Variants in TTC23L observed in about 807,000 individuals in gnomAD.
The protein encoded by TTC23L is tetratricopeptide repeat protein 23-like.
In TTC23L, 42 loss-of-function variants were observed where a neutral mutation model predicts 48.1. That is an observed-to-expected ratio of 0.87 (90% CI 0.68 to 1.13). TTC23L has a LOEUF of 1.13. Ranked by LOEUF, TTC23L falls within the 50% of genes most tolerant of loss-of-function variation. The probability of loss-of-function intolerance (pLI) is 0.00; values close to 1 mark genes in which losing one functional copy is unlikely to be tolerated. For missense variants in TTC23L, 391 were observed against 421.0 expected, an observed-to-expected ratio of 0.93 and a Z score of 0.62; for synonymous variants, 159 against 157.2, an observed-to-expected ratio of 1.01 and a Z score of -0.09.
chr5:34,884,855 CT>C (rs1762453132), intron 9 of TTC23L, among the ~76,000 whole-genome samples: 1 of 152,154 alleles, frequency 6.6e-6, no homozygotes, highest in African/African-American at 2.4e-5. Flanking sequence ...TGGCAGTGTT[CT>C]CTGGAAAGCA....
chr5:34,892,532 C>T (rs769672157), intron 9 of TTC23L, among the ~76,000 whole-genome samples: 1 of 152,010 alleles, frequency 6.6e-6, no homozygotes, highest in Non-Finnish European at 1.5e-5. Flanking sequence ...TAGTCCCTTA[C>T]GTGAAAACAG....
chr5:34,892,291 T>C (rs1762921195), intron 9 of TTC23L, among the ~76,000 whole-genome samples: 2 of 152,234 alleles, frequency 1.3e-5, no homozygotes, highest in Non-Finnish European at 2.9e-5. Context: ...TTTTGAAGCC[T>C]CTGCAAAAAA....
chr5:34,850,398 A>AGGGCCCCT (rs1759578135), intron 4 of TTC23L, 90 bp downstream of exon 4: 1 of 1,533,862 alleles, frequency 6.5e-7, no homozygotes, highest in African/African-American at 1.4e-5. Flanking sequence ...CATGACTAGG[A>AGGGCCCCT]GGGCCCCTTC....
At chr5:34,906,813 A>G in the TTC23L span, 1 of 152,190 alleles carries the variant, frequency 6.6e-6, no homozygotes, top group Non-Finnish European at 1.5e-5. Flanking sequence ...CACTAGTAAC[A>G]AAAGACAAAA....
chr5:34,917,391 T>A, the TTC23L span, among the ~76,000 whole-genome samples: 1 of 151,808 alleles, frequency 6.6e-6, no homozygotes, highest in Non-Finnish European at 1.5e-5. Context: ...CCCAGCACTT[T>A]GGGAGGCCGA....
At chr5:34,869,388 CTT>C (rs1481995732) in intron 8 of TTC23L, 1 of 174,248 alleles carries the variant, frequency 5.7e-6, no homozygotes, top group African/African-American at 2.4e-5. Context: ...CTCCTTGACT[CTT>C]TTCCTCTGGC....
the TTC23L span, chr5:34,915,925 C>G: frequency 4.6e-6 from 7 of 1,512,466 alleles, no homozygotes; most frequent in Non-Finnish European, 6.2e-6. Context: ...CGGGCTACAC[C>G]TGCGGCGGCG....
chr5:34,840,624 A>G, intron 1 of TTC23L, 41 bp from the exon 2 acceptor site: 3 of 1,558,222 alleles, frequency 1.9e-6, no homozygotes, highest in Non-Finnish European at 2.7e-6. Context: ...ACAGACACCC[A>G]GCCTTTTCTC....
chr5:34,870,953 C>A (rs1761408178), intron 8 of TTC23L, among the ~76,000 whole-genome samples: 1 of 152,178 alleles, frequency 6.6e-6, no homozygotes, highest in Admixed American at 6.5e-5. Flanking sequence ...GAAGGAACTT[C>A]TTTAATCTGA....
At chr5:34,906,711 T>C in the TTC23L span, 2 of 152,180 alleles carry the variant, frequency 1.3e-5, no homozygotes, top group African/African-American at 4.8e-5. Context: ...TAGTGACTAA[T>C]AAGATGCTAA....
intron 3 of TTC23L, among the ~76,000 whole-genome samples, chr5:34,849,919 T>C (rs1198900526): frequency 6.6e-6 from 1 of 152,024 alleles, no homozygotes; most frequent in Non-Finnish European, 1.5e-5. Flanking sequence ...GAGGAAGCAA[T>C]TGGAAGGGGC....
intron 8 of TTC23L, among the ~76,000 whole-genome samples, chr5:34,873,078 A>G (rs1761583260): frequency 1.3e-5 from 2 of 152,144 alleles, no homozygotes; most frequent in Non-Finnish European, 2.9e-5. Context: ...AAGAAAAGAA[A>G]AAAAAAAAAG....
At position 34,850,230 on chromosome 5, in the gene TTC23L, C is replaced by T. The variant is rs1314476247; in HGVS notation, c.301C>T (p.Arg101Trp). ...GCTGATTCGATGTGTCATCCTTTCT[C>T]GGATTATTTTTGGGGACCATCACTG... is the stretch of plus-strand genomic sequence containing the variant. Residue 101 changes from arginine (R) to tryptophan (W), a missense_variant, in exon 4 of 11, where the codon CGG becomes TGG. By Grantham distance (101) the Arg-to-Trp change is moderately radical. Transcript: ENST00000505624. The T allele has an allele frequency of 1.4e-5, 23 of 1,613,792 alleles. 1 individual carries two copies. Among genetic ancestry groups the T allele is most frequent in the South Asian group, 4.4e-5 (4 of 91,084 alleles).
chr5:34,862,847 C>T, intron 4 of TTC23L, 51 bp from the exon 5 acceptor site: 1 of 1,604,946 alleles, frequency 6.2e-7, no homozygotes, highest in Non-Finnish European at 8.5e-7. Flanking sequence ...TTGACTGAAG[C>T]ATGCCTTTTT....
At chr5:34,862,993 A>T in exon 5 of TTC23L, 8 of 1,613,976 alleles carry the variant, frequency 5.0e-6, no homozygotes, top group Non-Finnish European at 6.8e-6. Flanking sequence ...GAAAGAGGAA[A>T]TCCTGGAAGC....
chr5:34,851,604 G>A (rs1008239816), intron 4 of TTC23L, among the ~76,000 whole-genome samples: 4 of 152,174 alleles, frequency 2.6e-5, no homozygotes, highest in Non-Finnish European at 5.9e-5. Context: ...AGAGGAGAAT[G>A]TCCTTATGTA....
exon 9 of TTC23L, chr5:34,880,207 A>C: frequency 6.2e-7 from 1 of 1,611,734 alleles, no homozygotes. Flanking sequence ...TTTCATAAGA[A>C]GTATCAATGC....
chr5:34,912,871 C>T, the TTC23L span, among the ~76,000 whole-genome samples: 1 of 151,940 alleles, frequency 6.6e-6, no homozygotes, highest in Non-Finnish European at 1.5e-5. Context: ...CGTGGTGGCA[C>T]GTGCCTGTAA....
the TTC23L span, chr5:34,909,178 GAA>G: frequency 8.8e-7 from 1 of 1,135,056 alleles, no homozygotes; most frequent in African/African-American, 1.6e-5. Flanking sequence ...TTAACAGATT[GAA>G]AGTGTTTTTA....
Sources: allele counts gnomAD v4.1 joint callset (sites outside exome capture counted in the v4.1 genomes callset), GRCh38; gene constraint gnomAD v4.1.1; transcripts MANE v1.5; gene names NCBI Gene and HGNC (gene_info 2026-07-23, HGNC 2026-07-21).